BRINP3: variants seen among roughly 807,000 people sequenced by gnomAD.
BRINP3 encodes the protein BMP/retinoic acid inducible neural specific 3.
Under a neutral mutation model 71.0 loss-of-function variants are expected in BRINP3, and 19 were observed. The ratio of observed to expected loss-of-function variants is 0.27; its 90% CI spans 0.19 to 0.39. The LOEUF (loss-of-function observed/expected upper bound fraction) is 0.39. BRINP3 is among the 10% of genes least tolerant of loss of function. The probability of loss-of-function intolerance (pLI) is 1.00; values close to 1 mark genes in which losing one functional copy is unlikely to be tolerated. For synonymous variants in BRINP3, 380 were observed against 337.7 expected (o/e 1.13, Z -1.37); for missense variants, 959 against 940.8 (o/e 1.02, Z -0.25).
chr1:190,467,711 C>A (rs562281247), intron 1 of BRINP3, among the ~76,000 whole-genome samples: 293 of 151,628 alleles, frequency 1.9e-3, no homozygotes, highest in Non-Finnish European at 3.6e-3. Context: ...TTCCAAGGAC[C>A]ACTTGTCAAT....
At chr1:190,227,771 AAGT>A (rs1657539832) in intron 5 of BRINP3, among the ~76,000 whole-genome samples, 2 of 152,026 alleles carry the variant, frequency 1.3e-5, no homozygotes, top group Admixed American at 6.6e-5. Context: ...TTGGAAATGA[AAGT>A]AGTAATATTG....
chr1:190,268,413 G>A (rs974841179), intron 3 of BRINP3, among the ~76,000 whole-genome samples: 1 of 152,008 alleles, frequency 6.6e-6, no homozygotes, highest in African/African-American at 2.4e-5. Context: ...CTTCTTTAAA[G>A]AAGTGAAATA....
chr1:190,150,288 G>GTGTA (rs1553249832), intron 7 of BRINP3, among the ~76,000 whole-genome samples: 8 of 151,598 alleles, frequency 5.3e-5, no homozygotes, highest in African/African-American at 1.9e-4. Context: ...GTGTGTGTGT[G>GTGTA]TACATACATA....
chr1:190,420,334 G>C (rs1026385378), intron 2 of BRINP3, among the ~76,000 whole-genome samples: 2 of 151,998 alleles, frequency 1.3e-5, no homozygotes, highest in African/African-American at 2.4e-5. Flanking sequence ...GTTGTAGATT[G>C]TCAGAGCTTG....
At chr1:190,206,382 A>C (rs1246620398) in intron 6 of BRINP3, among the ~76,000 whole-genome samples, 2 of 152,216 alleles carry the variant, frequency 1.3e-5, no homozygotes, top group Non-Finnish European at 2.9e-5. Context: ...TCTATAATAC[A>C]TTGAGGATCT....
intron 3 of BRINP3, among the ~76,000 whole-genome samples, chr1:190,277,399 T>C (rs914791689): frequency 6.6e-6 from 1 of 151,372 alleles, no homozygotes; most frequent in African/African-American, 2.4e-5. Context: ...ACAGGTTTCC[T>C]GGCTACTATG....
chr1:190,286,644 A>T (rs1663446509), intron 2 of BRINP3, among the ~76,000 whole-genome samples: 1 of 152,166 alleles, frequency 6.6e-6, no homozygotes. Flanking sequence ...CTATTATTAC[A>T]TTACTTTTCA....
intron 5 of BRINP3, among the ~76,000 whole-genome samples, chr1:190,226,668 T>C (rs1657411708): frequency 6.6e-6 from 1 of 152,010 alleles, no homozygotes; most frequent in South Asian, 2.1e-4. Context: ...TATGCATTTA[T>C]TTTCTACCAG....
At chr1:190,343,951 T>C (rs548409299) in intron 2 of BRINP3, among the ~76,000 whole-genome samples, 92 of 151,834 alleles carry the variant, frequency 6.1e-4, no homozygotes, top group Non-Finnish European at 7.4e-4. Flanking sequence ...CATAATGTAC[T>C]CATAATATAA....
rs112815531 is a variant in BRINP3, at chr1:190,362,773, C to T, written c.237-81023G>A. On this transcript the variant is annotated intron_variant, in intron 2 of 7. Transcript: ENST00000367462. ...TCCTCTCATTCTGTCTTGTCTGCTGCCATGTAAGACATGCCTTTAGGCTTC... is the reference window on the plus strand; with the variant it reads ...TCCTCTCATTCTGTCTTGTCTGCTGTCATGTAAGACATGCCTTTAGGCTTC... 5.2e-3 allele frequency among the ~76,000 whole-genome samples: 785 copies of T among 152,256 alleles called. 7 individuals carry two copies. The highest frequency in any genetic ancestry group is 0.018 in the African/African-American group (736 of 41,554).
chr1:190,455,010 G>T, intron 1 of BRINP3, 70 bp from the exon 2 acceptor site: 2 of 666,598 alleles, frequency 3.0e-6, no homozygotes, highest in Admixed American at 3.2e-5. Flanking sequence ...GTGTTGAGGT[G>T]GCTAATTTTA....
At chr1:190,234,041 T>TCAC (rs1658272092) in intron 5 of BRINP3, among the ~76,000 whole-genome samples, 1 of 152,276 alleles carries the variant, frequency 6.6e-6, no homozygotes, top group African/African-American at 2.4e-5. Flanking sequence ...CAAGAATCTT[T>TCAC]AAGTAAAAAG....
chr1:190,423,232 T>A (rs1673494630), intron 2 of BRINP3, among the ~76,000 whole-genome samples: 1 of 151,730 alleles, frequency 6.6e-6, no homozygotes, highest in South Asian at 2.1e-4. Context: ...CTCCTATGAC[T>A]CCTACATTCT....
At chr1:190,201,086 G>GA (rs1343255756) in intron 6 of BRINP3, among the ~76,000 whole-genome samples, 2 of 152,032 alleles carry the variant, frequency 1.3e-5, no homozygotes, top group Admixed American at 6.6e-5. Context: ...GAAAAAGACA[G>GA]AAAAAATGTG....
intron 2 of BRINP3, among the ~76,000 whole-genome samples, chr1:190,348,075 T>C (rs2102027130): frequency 6.6e-6 from 1 of 152,274 alleles, no homozygotes; most frequent in East Asian, 1.9e-4. Flanking sequence ...TCACTTCACT[T>C]TTCCTTTATA....
intron 2 of BRINP3, among the ~76,000 whole-genome samples, chr1:190,358,954 T>A (rs535091890): frequency 1.3e-5 from 2 of 152,004 alleles, no homozygotes; most frequent in Non-Finnish European, 2.9e-5. Flanking sequence ...AGGTGGGAAT[T>A]GAACAACGAG....
At chr1:190,337,980 T>C (rs1571788874) in intron 2 of BRINP3, among the ~76,000 whole-genome samples, 3 of 152,066 alleles carry the variant, frequency 2.0e-5, no homozygotes, top group Non-Finnish European at 2.9e-5. Flanking sequence ...ATATTTTGCT[T>C]GGTGTTGACT....
intron 2 of BRINP3, among the ~76,000 whole-genome samples, chr1:190,395,841 A>T (rs1470565462): frequency 1.3e-5 from 2 of 151,862 alleles, no homozygotes; most frequent in Admixed American, 1.3e-4. Flanking sequence ...AGTTTTTGGT[A>T]ATAAAGAAAG....
chr1:190,370,464 A>C (rs1045011480), intron 2 of BRINP3, among the ~76,000 whole-genome samples: 3 of 152,206 alleles, frequency 2.0e-5, no homozygotes, highest in Non-Finnish European at 4.4e-5. Context: ...GTAAGCAGAA[A>C]AATTTGGGAG....
Sources: gnomAD v4.1 joint callset for allele counts (sites outside exome capture counted in the v4.1 genomes callset) on GRCh38, gnomAD v4.1.1 for gene constraint, MANE v1.5 for transcripts, NCBI Gene and HGNC (gene_info 2026-07-23, HGNC 2026-07-21) for gene names.